The following AK5 variants were observed in gnomAD, a reference collection of about 807,000 sequenced individuals.
The protein encoded by AK5 is adenylate kinase 5.
AK5 carries 27 observed loss-of-function variants against 69.5 expected under a neutral mutation model. The ratio of observed to expected loss-of-function variants is 0.39; its 90% CI spans 0.29 to 0.54. The LOEUF (loss-of-function observed/expected upper bound fraction) is 0.54, where lower values mean the gene tolerates loss of function less well. Ranked by LOEUF, AK5 falls within the 20% of genes least tolerant of loss-of-function variation. The pLI is 0.71. For missense variants in AK5, 531 were observed against 700.4 expected (o/e 0.76, Z 2.73); for synonymous variants, 260 against 244.4 (o/e 1.06, Z -0.60).
chr1:77,455,611 G>A (rs998962381), intron 8 of AK5, among the ~76,000 whole-genome samples: 1 of 152,104 alleles, frequency 6.6e-6, no homozygotes. Flanking sequence ...CATCCAGAAC[G>A]GTGAGCTATA....
intron 13 of AK5, among the ~76,000 whole-genome samples, chr1:77,542,608 T>A (rs1659336004): frequency 6.6e-6 from 1 of 152,206 alleles, no homozygotes; most frequent in African/African-American, 2.4e-5. Flanking sequence ...CAGAATTGTA[T>A]CAAATGATAT....
At chr1:77,313,131 A>G (rs188414834) in intron 5 of AK5, among the ~76,000 whole-genome samples, 1 of 152,154 alleles carries the variant, frequency 6.6e-6, no homozygotes, top group African/African-American at 2.4e-5. Flanking sequence ...AGCAAAGTAT[A>G]TTGTTTCTAC....
Position 77,345,640 on chromosome 1 carries a change from G to A in AK5, c.891+5072G>A, listed in dbSNP as rs373034949. Among the ~76,000 whole-genome samples the A allele has an allele frequency of 1.8e-4, 27 of 152,272 alleles. No homozygotes were observed. The South Asian group carries it at 4.6e-3, about 26-fold the overall frequency. ...CAAACCAGCATCAGTGCTGGGAAAC[G>A]ATTGACATAGAGAGCACAGGCCTGT... On this transcript the variant is annotated intron_variant, in intron 6 of 13. Coordinates refer to ENST00000354567, the MANE Select transcript of AK5 (RefSeq NM_174858.3).
intron 5 of AK5, among the ~76,000 whole-genome samples, chr1:77,338,874 G>C (rs11162318): frequency 0.094 from 14,339 of 152,178 alleles, 804 homozygotes; most frequent in Middle Eastern, 0.17. Context: ...ACTCAAGGAG[G>C]TAAGTTCCTG....
At chr1:77,458,564 G>A (rs1050086708) in intron 8 of AK5, among the ~76,000 whole-genome samples, 33 of 152,178 alleles carry the variant, frequency 2.2e-4, no homozygotes, top group Non-Finnish European at 1.5e-5. Context: ...CAATCATGAC[G>A]GAAGGCAAGG....
chr1:77,441,265 A>AT lies in AK5; in HGVS notation c.1059+23556dup, dbSNP rs1356382834. Reference sequence around the variant, plus strand: ...ATCATTGAGTTTCCTTAAGATAATTATTTTTTAATTCCTTTTCCATCAATT... The same window carrying AT: ...ATCATTGAGTTTCCTTAAGATAATTATTTTTTTAATTCCTTTTCCATCAATT... On this transcript the variant is annotated intron_variant, in intron 8 of 13. Coordinates refer to ENST00000354567, the MANE Select transcript of AK5 (RefSeq NM_174858.3). 2.6e-5 allele frequency among the ~76,000 whole-genome samples: 4 copies of AT among 151,990 alleles called. 1 individual carries two copies. Among genetic ancestry groups the AT allele is most frequent in the African/African-American group, 9.7e-5 (4 of 41,370 alleles).
At chr1:77,473,206 T>G (rs1557617591) in intron 8 of AK5, among the ~76,000 whole-genome samples, 1 of 152,020 alleles carries the variant, frequency 6.6e-6, no homozygotes, top group Non-Finnish European at 1.5e-5. Context: ...TGGGGTTTTT[T>G]TTTTTTTGGT....
At chr1:77,455,943 G>C in intron 8 of AK5, among the ~76,000 whole-genome samples, 1 of 152,196 alleles carries the variant, frequency 6.6e-6, no homozygotes. Flanking sequence ...AAAGCACCAG[G>C]AGTGGTGGTC....
intron 10 of AK5, among the ~76,000 whole-genome samples, chr1:77,511,602 G>A (rs1657350862): frequency 1.3e-5 from 2 of 152,190 alleles, no homozygotes; most frequent in African/African-American, 4.8e-5. Context: ...GATACCAGGA[G>A]AAAGAAGGAT....
intron 2 of AK5, among the ~76,000 whole-genome samples, chr1:77,289,862 C>CAAA (rs55819317): frequency 4.5e-4 from 29 of 64,710 alleles, no homozygotes; most frequent in South Asian, 6.7e-4. Context: ...GACTCCGTCT[C>CAAA]AAAAAAAAAA....
Position 77,384,798 on chromosome 1 carries a change from G to A in AK5, c.892-26183G>A, listed in dbSNP as rs1161591307. On this transcript the variant is annotated intron_variant, in intron 6 of 13. Transcript: ENST00000354567. ...ATCTATCAAAATGGACACACCCCTCGTATGCAGCAATACTTCTAGGATTCG... is the reference window on the plus strand; with the variant it reads ...ATCTATCAAAATGGACACACCCCTCATATGCAGCAATACTTCTAGGATTCG... Among the ~76,000 whole-genome samples, 11 of 152,092 alleles carry A rather than the reference G, an allele frequency of 7.2e-5. No individual in the cohort carries two copies. In the South Asian group the frequency reaches 1.5e-3, roughly 20 times the overall value.
chr1:77,369,076 A>G (rs1330926712), intron 6 of AK5, among the ~76,000 whole-genome samples: 1 of 152,224 alleles, frequency 6.6e-6, no homozygotes, highest in Non-Finnish European at 1.5e-5. Flanking sequence ...TATGTATGCC[A>G]TGAATATGTA....
At chr1:77,453,605 G>T (rs1283961851) in intron 8 of AK5, among the ~76,000 whole-genome samples, 5 of 152,170 alleles carry the variant, frequency 3.3e-5, no homozygotes, top group Non-Finnish European at 5.9e-5. Context: ...GCTCCATTGT[G>T]TAAGAGTTTT....
At chr1:77,306,497 T>G (rs763232113) in intron 5 of AK5, among the ~76,000 whole-genome samples, 16,081 of 98,966 alleles carry the variant, frequency 0.16, 737 homozygotes, top group African/African-American at 0.21. Flanking sequence ...TTTTTTTGTT[T>G]TTTTTTTTTT....
chr1:77,370,384 C>T (rs1647097573), intron 6 of AK5, among the ~76,000 whole-genome samples: 1 of 152,144 alleles, frequency 6.6e-6, no homozygotes, highest in Non-Finnish European at 1.5e-5. Flanking sequence ...CACGCAACCT[C>T]AAAGCCCTAC....
At chr1:77,343,834 A>T (rs1570412693) in intron 6 of AK5, among the ~76,000 whole-genome samples, 1 of 152,176 alleles carries the variant, frequency 6.6e-6, no homozygotes, top group African/African-American at 2.4e-5. Flanking sequence ...CATCTTTTAG[A>T]ATCTACAGTA....
chr1:77,301,213 T>C (rs1448986694), intron 5 of AK5, among the ~76,000 whole-genome samples: 1 of 152,158 alleles, frequency 6.6e-6, no homozygotes, highest in African/African-American at 2.4e-5. Context: ...GGGACCATGG[T>C]TCCTCCCAGG....
chr1:77,435,573 G>A (rs1049869132), intron 8 of AK5, among the ~76,000 whole-genome samples: 18 of 151,810 alleles, frequency 1.2e-4, no homozygotes, highest in Admixed American at 7.9e-4. Flanking sequence ...GTTTGAACCC[G>A]GAAGGCAGAA....
intron 6 of AK5, among the ~76,000 whole-genome samples, chr1:77,363,008 T>C (rs997422843): frequency 2.0e-5 from 3 of 152,148 alleles, no homozygotes; most frequent in African/African-American, 7.2e-5. Context: ...TTTATAGACA[T>C]CCCTATACAA....
Sources: gnomAD v4.1 joint callset for allele counts (sites outside exome capture counted in the v4.1 genomes callset) on GRCh38, gnomAD v4.1.1 for gene constraint, MANE v1.5 for transcripts, NCBI Gene and HGNC (gene_info 2026-07-23, HGNC 2026-07-21) for gene names.